Variants in ZNF85 observed in about 807,000 individuals in gnomAD.
The protein encoded by ZNF85 is zinc finger protein 85.
A neutral mutation model predicts 53.9 loss-of-function variants in ZNF85; 50 were observed. The ratio of observed to expected loss-of-function variants is 0.93; its 90% CI spans 0.74 to 1.17. The LOEUF is 1.17. Ranked by LOEUF, ZNF85 falls within the 50% of genes most tolerant of loss-of-function variation. The pLI is 0.00. For missense variants in ZNF85, 747 were observed against 688.5 expected (o/e 1.08, Z -0.95); for synonymous variants, 225 against 226.1 (o/e 1.00, Z 0.04).
intron 3 of ZNF85, among the ~76,000 whole-genome samples, chr19:20,939,642 G>A (rs538582090): frequency 3.3e-5 from 5 of 152,174 alleles, no homozygotes; most frequent in East Asian, 3.9e-4. Flanking sequence ...GTATGTACAC[G>A]TTAAGTCAAT....
Position 20,949,601 on chromosome 19 carries a change from A to AT in ZNF85, c.1089dup (p.His364SerfsTer10). ...TGCACACCTTACCACACATGAGGTA[A>AT]TTCATACTGGAGAGAAACCCTACAA... On this transcript the variant is annotated frameshift_variant, in exon 4 of 4. Transcript: ENST00000328178. LOFTEE classifies it high-confidence loss of function. 6.2e-7 allele frequency: 1 copy of AT among 1,602,302 alleles called. No homozygotes were observed. Among genetic ancestry groups the AT allele is most frequent in the Non-Finnish European group, 8.5e-7 (1 of 1,171,828 alleles).
At chr19:20,933,957 ATGTGTGTGTGTGTGTGTGTGTGTGTGTG>A in intron 1 of ZNF85, 39 bp from the exon 2 acceptor site, 1 of 1,157,218 alleles carries the variant, frequency 8.6e-7, no homozygotes, top group Non-Finnish European at 1.2e-6. Flanking sequence ...GTTGGTAATT[ATGTGTGTGTGTGTGTGTGTGTGTGTGTG>A]TGTGTGTGTG....
chr19:20,925,491 A>G (rs1285496469), intron 1 of ZNF85, among the ~76,000 whole-genome samples: 3 of 151,696 alleles, frequency 2.0e-5, no homozygotes, highest in African/African-American at 4.8e-5. Flanking sequence ...CACCCAACCC[A>G]GCTTCTATTT....
intron 3 of ZNF85, among the ~76,000 whole-genome samples, chr19:20,946,547 A>G (rs1046335139): frequency 1.3e-4 from 19 of 150,882 alleles, no homozygotes; most frequent in Non-Finnish European, 2.2e-4. Flanking sequence ...TATATTTGGA[A>G]CCTTAATGTG....
Position 20,935,047 on chromosome 19 carries a change from G to A in ZNF85, c.229G>A (p.Val77Ile). 1 of 1,605,434 alleles carries A rather than the reference G, an allele frequency of 6.2e-7. No individual in the cohort carries two copies. Among genetic ancestry groups the A allele is most frequent in the Non-Finnish European group, 8.5e-7 (1 of 1,175,106 alleles). Residue 77 changes from valine to isoleucine, a missense_variant and splice_region_variant, in exon 3 of 4, where the codon GTT (valine) becomes ATT (isoleucine). Transcript: ENST00000328178. The part of the protein sequence containing the change: ...RHEIMVAKPT[V>I]MCSHFAQDLW... The stretch of plus-strand genomic sequence containing the variant: ...TGAGATCATGGTGGCCAAACCCACA[G>A]GTAGGTGAAAGTGAAAATGAATACA...
Position 20,949,587 on chromosome 19 carries a change from C to T in ZNF85, c.1073C>T (p.Thr358Ile), listed in dbSNP as rs762369427. Residue 358 changes from threonine to isoleucine, a missense_variant, in exon 4 of 4, where the codon ACC becomes ATC. Physicochemically the swap from Thr to Ile is moderately conservative, Grantham distance 89 (BLOSUM62 -1). Coordinates refer to ENST00000328178, the MANE Select transcript of ZNF85 (RefSeq NM_003429.5). ...GKAFNQSAHL[T>I]THEVIHTGEK... ...GCCTTTAACCAGTCTGCACACCTTA[C>T]CACACATGAGGTAATTCATACTGGA... is the stretch of plus-strand genomic sequence containing the variant. 1 of 1,597,638 alleles carries T rather than the reference C, an allele frequency of 6.3e-7. No individual in the cohort carries two copies. The highest frequency in any genetic ancestry group is 1.7e-5 in the Admixed American group (1 of 59,338).
At position 20,950,210 on chromosome 19, in the gene ZNF85, T is replaced by C. The variant is rs1466574476; in HGVS notation, c.1696T>C (p.Tyr566His). 6.2e-7 allele frequency: 1 copy of C among 1,611,370 alleles called. No individual in the cohort carries two copies. The highest frequency in any genetic ancestry group is 8.5e-7 in the Non-Finnish European group (1 of 1,179,100). ...GAGAATTCATACTGGAGAAAAACCT[T>C]ACAAATGTGAAGAATGTGACAAAGC... Reference protein sequence around the residue: ...HKRIHTGEKPYKCEECDKAFK... With the variant: ...HKRIHTGEKPHKCEECDKAFK... The change falls in exon 4 of 4, where the codon TAC becomes CAC. Residue 566 changes from tyrosine to histidine, a missense_variant. Coordinates refer to ENST00000328178, the MANE Select transcript of ZNF85 (RefSeq NM_003429.5).
rs781390059 is a variant in ZNF85 at position 20,949,782 on chromosome 19, A to T, written c.1268A>T (p.Glu423Val). The T allele has an allele frequency of 1.2e-5, 19 of 1,611,868 alleles. No individual in the cohort carries two copies. The highest frequency in any genetic ancestry group is 1.7e-5 in the Admixed American group (1 of 59,688). ...LTKHKIIHTG[E>V]KPYKCKECEK... The stretch of plus-strand genomic sequence containing the variant: ...AAACATAAGATAATTCATACTGGAG[A>T]GAAGCCTTACAAATGTAAAGAATGT... Residue 423 changes from glutamate (E) to valine (V), a missense_variant, in exon 4 of 4, where the codon GAG becomes GTG. Coordinates refer to ENST00000328178, the MANE Select transcript of ZNF85 (RefSeq NM_003429.5).
At chr19:20,929,276 C>T (rs1204494272) in intron 1 of ZNF85, among the ~76,000 whole-genome samples, 1 of 151,924 alleles carries the variant, frequency 6.6e-6, no homozygotes. Context: ...GCAACCTCCG[C>T]CTCCCAGGTT....
intron 1 of ZNF85, among the ~76,000 whole-genome samples, chr19:20,933,192 C>CAAAA (rs10532648): frequency 9.2e-6 from 1 of 108,748 alleles, no homozygotes; most frequent in African/African-American, 3.6e-5. Flanking sequence ...GACTCCGTCT[C>CAAAA]AAAAAAAAAA....
At chr19:20,942,636 G>A (rs111828908) in intron 3 of ZNF85, among the ~76,000 whole-genome samples, 1,810 of 151,420 alleles carry the variant, frequency 0.012, 34 homozygotes, top group African/African-American at 0.035. Flanking sequence ...TTGAAACTTG[G>A]GCAAGAATAT....
At chr19:20,932,611 C>G (rs996126614) in intron 1 of ZNF85, among the ~76,000 whole-genome samples, 1 of 152,010 alleles carries the variant, frequency 6.6e-6, no homozygotes, top group African/African-American at 2.4e-5. Context: ...TCTGTATTCT[C>G]CATTACCTCT....
chr19:20,931,330 T>A (rs1454950179), intron 1 of ZNF85, among the ~76,000 whole-genome samples: 1 of 152,226 alleles, frequency 6.6e-6, no homozygotes, highest in South Asian at 2.1e-4. Context: ...AGCTAAGTGG[T>A]TATCAGCCCA....
At chr19:20,947,228 T>C (rs1973442269) in intron 3 of ZNF85, among the ~76,000 whole-genome samples, 1 of 151,808 alleles carries the variant, frequency 6.6e-6, no homozygotes, top group Non-Finnish European at 1.5e-5. Context: ...TCAACTTTCT[T>C]ATTGATGTTG....
intron 2 of ZNF85, 60 bp from the exon 3 acceptor site, chr19:20,934,889 A>T: frequency 1.8e-6 from 2 of 1,112,806 alleles, no homozygotes; most frequent in Non-Finnish European, 2.6e-6. Context: ...TAAGCACATT[A>T]CTAGATTGGT....
chr19:20,932,242 C>G (rs771019688), intron 1 of ZNF85, among the ~76,000 whole-genome samples: 38 of 152,214 alleles, frequency 2.5e-4, no homozygotes, highest in Non-Finnish European at 4.0e-4. Flanking sequence ...TTTTTTAAAG[C>G]AAAACATGTC....
intron 3 of ZNF85, among the ~76,000 whole-genome samples, chr19:20,941,500 T>C (rs941202263): frequency 3.3e-5 from 5 of 152,144 alleles, no homozygotes; most frequent in Non-Finnish European, 7.4e-5. Context: ...TGACCTCAAG[T>C]GATCCACCCG....
chr19:20,933,957 A>ATGTGTGTG (rs56195718), intron 1 of ZNF85, 67 bp from the exon 2 acceptor site: 268 of 1,158,488 alleles, frequency 2.3e-4, no homozygotes, highest in Admixed American at 1.4e-3. Context: ...GTTGGTAATT[A>ATGTGTGTG]TGTGTGTGTG....
At chr19:20,943,129 TGC>T (rs1265817039) in intron 3 of ZNF85, 1 of 365,192 alleles carries the variant, frequency 2.7e-6, no homozygotes, top group Non-Finnish European at 4.9e-6. Context: ...ATACACAAGG[TGC>T]AAATAAGAAT....
Sources: allele counts gnomAD v4.1 joint callset (sites outside exome capture counted in the v4.1 genomes callset), GRCh38; gene constraint gnomAD v4.1.1; transcripts MANE v1.5; gene names NCBI Gene and HGNC (gene_info 2026-07-23, HGNC 2026-07-21).